The following UGT2B4 variants were observed in gnomAD, a reference collection of about 807,000 sequenced individuals.
UGT2B4 encodes the protein UDP glucuronosyltransferase family 2 member B4.
In UGT2B4, 49 loss-of-function variants were observed where a neutral mutation model predicts 49.8. That is an observed-to-expected ratio of 0.98 (90% CI 0.78 to 1.25). UGT2B4 has a LOEUF of 1.25. Among genes scored for constraint, UGT2B4 ranks in the 50% most tolerant of loss-of-function variants. UGT2B4 has a pLI of 0.00. For synonymous variants in UGT2B4, 246 were observed against 217.7 expected (o/e 1.13, Z -1.14); for missense variants, 729 against 627.7 (o/e 1.16, Z -1.73).
rs769554627 is a variant in UGT2B4 at position 69,495,396 on chromosome 4, A to C, written c.466T>G (p.Phe156Val). The C allele has an allele frequency of 1.5e-5, 25 of 1,613,886 alleles. No individual in the cohort carries two copies. The East Asian group carries it at 5.3e-4, about 35-fold the overall frequency. Residue 156 changes from phenylalanine to valine, a missense_variant, in exon 1 of 6, where the codon TTT (phenylalanine) becomes GTT (valine). Physicochemically the swap from Phe to Val is conservative, Grantham distance 50. Coordinates refer to ENST00000305107, the MANE Select transcript of UGT2B4 (RefSeq NM_021139.3). ...AGTAACTCGGCCAGCAGCTCACCAA[A>C]GGGGAAAACAGCATCTGCAAGAACA... ...DVVLADAVFP[F>V]GELLAELLKI...
intron 2 of UGT2B4, among the ~76,000 whole-genome samples, chr4:69,490,614 T>C (rs554015128): frequency 1.3e-5 from 2 of 152,288 alleles, no homozygotes; most frequent in South Asian, 2.1e-4. Flanking sequence ...GATTTAATCA[T>C]TGGGGTAAAA....
chr4:69,502,097 C>CTTTCTTTCTTTCTTTA (rs1560439002), intron 1 of UGT2B4, among the ~76,000 whole-genome samples: 1 of 94,924 alleles, frequency 1.1e-5, no homozygotes, highest in Non-Finnish European at 2.1e-5. Flanking sequence ...CTCTCTCTTT[C>CTTTCTTTCTTTCTTTA]TTTCTTTCTT....
At chr4:69,523,941 T>C (rs1728902962) in intron 1 of UGT2B4, among the ~76,000 whole-genome samples, 1 of 152,122 alleles carries the variant, frequency 6.6e-6, no homozygotes, top group Non-Finnish European at 1.5e-5. Flanking sequence ...TTTTACTAAG[T>C]TTCATGAGCC....
chr4:69,485,880 C>T (rs185652210), intron 4 of UGT2B4, among the ~76,000 whole-genome samples: 17 of 152,064 alleles, frequency 1.1e-4, no homozygotes, highest in African/African-American at 3.9e-4. Context: ...TCCTACTCAG[C>T]CTTCTGAGTA....
rs1428931464 is a variant in UGT2B4 at position 69,480,855 on chromosome 4, G to T, written c.1366C>A (p.Pro456Thr). ...SRIHHDQPVK[P>T]LDRAVFWIEF... is the part of the protein sequence containing the mutation. ...ATCCAGAAGACTGCTCGATCAAGGG[G>T]CTTCACTGGTTGATCATGATGAATT... The change falls in exon 6 of 6, where the codon CCC (proline) becomes ACC (threonine). Residue 456 changes from proline to threonine, a missense_variant. Coordinates refer to ENST00000305107, the MANE Select transcript of UGT2B4 (RefSeq NM_021139.3). The T allele has an allele frequency of 6.2e-7, 1 of 1,613,834 alleles. No homozygotes were observed. Among genetic ancestry groups the T allele is most frequent in the Non-Finnish European group, 8.5e-7 (1 of 1,179,824 alleles).
intron 1 of UGT2B4, among the ~76,000 whole-genome samples, chr4:69,520,497 TG>T (rs1288185497): frequency 1.3e-5 from 2 of 152,226 alleles, no homozygotes; most frequent in Non-Finnish European, 2.9e-5. Context: ...CCTGTATTCA[TG>T]GGGGTTCAGG....
intron 5 of UGT2B4, among the ~76,000 whole-genome samples, chr4:69,484,019 A>C (rs557683800): frequency 4.6e-5 from 7 of 152,214 alleles, no homozygotes; most frequent in Non-Finnish European, 4.4e-5. Flanking sequence ...TTTCCAAAGA[A>C]TGTATATGCA....
chr4:69,490,990 T>G (rs1727969297), intron 2 of UGT2B4, among the ~76,000 whole-genome samples: 1 of 152,168 alleles, frequency 6.6e-6, no homozygotes, highest in Admixed American at 6.6e-5. Flanking sequence ...TAATACACTA[T>G]GTATGTAAGG....
upstream of UGT2B4, among the ~76,000 whole-genome samples, chr4:69,497,464 C>T (rs754228863): frequency 6.6e-6 from 1 of 152,190 alleles, no homozygotes; most frequent in Non-Finnish European, 1.5e-5. Context: ...CATAATGTCT[C>T]ATTGTAATTG....
intron 1 of UGT2B4, among the ~76,000 whole-genome samples, chr4:69,514,904 A>G (rs957386530): frequency 1.3e-5 from 2 of 152,206 alleles, no homozygotes; most frequent in Non-Finnish European, 2.9e-5. Flanking sequence ...GTTTAAACCA[A>G]CAAAGATCGT....
intron 2 of UGT2B4, among the ~76,000 whole-genome samples, chr4:69,490,071 T>G (rs1727934503): frequency 6.6e-6 from 1 of 152,134 alleles, no homozygotes; most frequent in African/African-American, 2.4e-5. Flanking sequence ...AAACCTACAT[T>G]TATCTTATTC....
upstream of UGT2B4, chr4:69,496,070 T>G (rs974780885): frequency 5.4e-6 from 4 of 741,524 alleles, no homozygotes; most frequent in Admixed American, 4.1e-5. Context: ...ATGTTCTTTT[T>G]GGATTTTTTT....
intron 1 of UGT2B4, among the ~76,000 whole-genome samples, chr4:69,502,637 G>C (rs1298991727): frequency 6.6e-6 from 1 of 152,072 alleles, no homozygotes; most frequent in African/African-American, 2.4e-5. Context: ...GATCTCCCAA[G>C]CCTGGGCCTC....
intron 1 of UGT2B4, among the ~76,000 whole-genome samples, chr4:69,507,460 T>C (rs1460324141): frequency 6.6e-6 from 1 of 152,112 alleles, no homozygotes; most frequent in Non-Finnish European, 1.5e-5. Flanking sequence ...AAACAAACTC[T>C]CATTCACAGT....
chr4:69,514,772 T>C (rs1049390079), intron 1 of UGT2B4, among the ~76,000 whole-genome samples: 1 of 152,190 alleles, frequency 6.6e-6, no homozygotes, highest in Admixed American at 6.5e-5. Context: ...TTGATTTGCA[T>C]ATGTTGAACC....
At chr4:69,507,498 A>C (rs898820564) in intron 1 of UGT2B4, among the ~76,000 whole-genome samples, 1 of 152,178 alleles carries the variant, frequency 6.6e-6, no homozygotes, top group South Asian at 2.1e-4. Flanking sequence ...AATACCAAGG[A>C]ATACAGATAG....
chr4:69,495,583 C>T lies in UGT2B4; in HGVS notation c.279G>A (p.Leu93=). ...TTGGAAGTTCTGCCCATCTCTTAACCAGCTGCTTGATAATATCCTCAAACT... is the reference window on the plus strand; with the variant it reads ...TTGGAAGTTCTGCCCATCTCTTAACTAGCTGCTTGATAATATCCTCAAACT... ...KTEFEDIIKQ[L]VKRWAELPKD... is the part of the protein sequence containing the mutation. The change falls in exon 1 of 6, where the codon CTG becomes CTA. Residue 93 remains leucine, a synonymous_variant. Transcript: ENST00000305107. 6.2e-7 allele frequency: 1 copy of T among 1,613,910 alleles called. No homozygotes were observed. Among genetic ancestry groups the T allele is most frequent in the Non-Finnish European group, 8.5e-7 (1 of 1,179,952 alleles).
chr4:69,521,259 A>G (rs1728843462), intron 1 of UGT2B4, among the ~76,000 whole-genome samples: 2 of 152,206 alleles, frequency 1.3e-5, no homozygotes, highest in South Asian at 2.1e-4. Context: ...AGCCTGAAAC[A>G]TGTTCCCTAC....
intron 2 of UGT2B4, among the ~76,000 whole-genome samples, chr4:69,492,777 G>A (rs1210253666): frequency 1.3e-5 from 2 of 151,998 alleles, no homozygotes; most frequent in Non-Finnish European, 2.9e-5. Flanking sequence ...TATGAAGTTA[G>A]TCATATTACT....
Sources: allele counts gnomAD v4.1 joint callset (sites outside exome capture counted in the v4.1 genomes callset), GRCh38; gene constraint gnomAD v4.1.1; transcripts MANE v1.5; gene names NCBI Gene and HGNC (gene_info 2026-07-23, HGNC 2026-07-21).